Variants in CADPS observed in about 807,000 individuals in gnomAD.
CADPS encodes calcium-dependent secretion activator 1.
CADPS carries 57 observed loss-of-function variants against 167.3 expected under a neutral mutation model. The ratio of observed to expected loss-of-function variants is 0.34; its 90% CI spans 0.28 to 0.42. The LOEUF is 0.42. Ranked by LOEUF, CADPS falls within the 20% of genes least tolerant of loss-of-function variation. The pLI, the probability that CADPS is intolerant of heterozygous loss-of-function variation, is 1.00. For missense variants in CADPS, 1,414 were observed against 1,738.1 expected (o/e 0.81, Z 3.32); for synonymous variants, 676 against 635.3 (o/e 1.06, Z -0.96).
intron 3 of CADPS, among the ~76,000 whole-genome samples, chr3:62,746,405 G>A (rs1161684695): frequency 6.6e-6 from 1 of 152,068 alleles, no homozygotes; most frequent in African/African-American, 2.4e-5. Flanking sequence ...GTGTTTTCAT[G>A]GCTCACTTCA....
At chr3:62,684,168 C>T (rs1478632546) in intron 3 of CADPS, among the ~76,000 whole-genome samples, 1 of 152,022 alleles carries the variant, frequency 6.6e-6, no homozygotes, top group African/African-American at 2.4e-5. Flanking sequence ...ATTTCTGTCT[C>T]CTTCCTAATT....
chr3:62,464,000 AT>A (rs1166077653), intron 26 of CADPS, among the ~76,000 whole-genome samples: 1 of 152,204 alleles, frequency 6.6e-6, no homozygotes, highest in Non-Finnish European at 1.5e-5. Flanking sequence ...AGTAGGGCAT[AT>A]TTGGAAAGAA....
intron 11 of CADPS, among the ~76,000 whole-genome samples, chr3:62,537,512 A>G (rs1409444126): frequency 1.3e-5 from 2 of 152,200 alleles, no homozygotes; most frequent in Non-Finnish European, 2.9e-5. Flanking sequence ...GGCTCACTCC[A>G]CCTCATCTTT....
Position 62,438,296 on chromosome 3 carries a change from C to T in CADPS, c.3670-85G>A, listed in dbSNP as rs1473869508. 1.1e-6 allele frequency: 1 copy of T among 908,894 alleles called. No homozygotes were observed. Among genetic ancestry groups the T allele is most frequent in the African/African-American group, 1.6e-5 (1 of 61,442 alleles). 56.3% of individuals were successfully genotyped at this position (908,894 alleles called of 1,614,324 possible). On this transcript the variant is annotated intron_variant, in intron 27 of 29. Coordinates refer to ENST00000383710, the MANE Select transcript of CADPS (RefSeq NM_003716.4). The surrounding 1 kb of genome is among the most constrained non-coding windows in gnomAD (Gnocchi z 4.7). ...CCATTCACTTGTACCCTCTACTTGC[C>T]CTCACACACCCTGAGATGCTTCTGC...
intron 3 of CADPS, among the ~76,000 whole-genome samples, chr3:62,730,188 T>C (rs1420980538): frequency 6.7e-6 from 1 of 149,448 alleles, no homozygotes; most frequent in South Asian, 2.1e-4. Context: ...ATCTGGCCTA[T>C]CCTGACTGAC....
intron 1 of CADPS, among the ~76,000 whole-genome samples, chr3:62,852,193 T>C (rs1372744374): frequency 6.6e-6 from 1 of 150,702 alleles, no homozygotes; most frequent in Admixed American, 6.6e-5. Flanking sequence ...TTTTTCAAAG[T>C]TTTCAACTTC....
intron 1 of CADPS, among the ~76,000 whole-genome samples, chr3:62,865,886 G>A (rs1173086026): frequency 6.6e-6 from 1 of 151,978 alleles, no homozygotes; most frequent in Non-Finnish European, 1.5e-5. Context: ...TAGAGAAAAT[G>A]AGCACATTTA....
chr3:62,402,659 C>G (rs1706801923), intron 29 of CADPS, among the ~76,000 whole-genome samples: 1 of 152,158 alleles, frequency 6.6e-6, no homozygotes, highest in African/African-American at 2.4e-5. Context: ...ATAATGATCA[C>G]AGGACATATT....
At chr3:62,642,952 CAAAACA>C (rs1563247736) in intron 6 of CADPS, among the ~76,000 whole-genome samples, 5 of 151,434 alleles carry the variant, frequency 3.3e-5, no homozygotes, top group African/African-American at 7.3e-5. Context: ...CAAAACAAAA[CAAAACA>C]AAACCCAAAC....
chr3:62,437,876 G>T (rs978427685), intron 28 of CADPS, among the ~76,000 whole-genome samples: 7 of 152,148 alleles, frequency 4.6e-5, no homozygotes, highest in African/African-American at 1.7e-4. Flanking sequence ...GAGGCTGTGT[G>T]CCGTCCTACG....
chr3:62,410,086 C>A (rs764090093), intron 28 of CADPS, among the ~76,000 whole-genome samples: 1 of 152,068 alleles, frequency 6.6e-6, no homozygotes, highest in Non-Finnish European at 1.5e-5. Context: ...AGATATGTTA[C>A]CCCATGCCTG....
chr3:62,831,103 CT>C (rs2074996090), intron 1 of CADPS, among the ~76,000 whole-genome samples: 1 of 152,164 alleles, frequency 6.6e-6, no homozygotes, highest in African/African-American at 2.4e-5. Flanking sequence ...GCATGGACCT[CT>C]TTAAAGTCCT....
At chr3:62,597,386 T>C (rs2059081044) in intron 6 of CADPS, among the ~76,000 whole-genome samples, 1 of 152,142 alleles carries the variant, frequency 6.6e-6, no homozygotes, top group African/African-American at 2.4e-5. Context: ...AGATACCTCT[T>C]TGGGCATTCA....
Position 62,874,727 on chromosome 3 carries a change from C to T in CADPS, c.303G>A (p.Glu101=), listed in dbSNP as rs1159096365. ...SPSPSVVSEK[E]KEELERLQKE... ...TCTGCAGCCGCTCCAACTCTTCCTT[C>T]TCCTTCTCGCTCACCACCGACGGGC... is the stretch of plus-strand genomic sequence containing the variant. The change falls in exon 1 of 30, where the codon GAG becomes GAA. Residue 101 remains glutamate (E), a synonymous_variant. Coordinates refer to ENST00000383710, the MANE Select transcript of CADPS (RefSeq NM_003716.4). The surrounding 1 kb of genome is among the most constrained non-coding windows in gnomAD (Gnocchi z 7.1). 2.0e-6 allele frequency: 3 copies of T among 1,529,098 alleles called. No individual in the cohort carries two copies. The highest frequency in any genetic ancestry group is 1.4e-5 in the African/African-American group (1 of 72,416). 94.7% of individuals were successfully genotyped at this position (1,529,098 alleles called of 1,614,324 possible).
Position 62,662,373 on chromosome 3 carries a change from C to T in CADPS, c.910G>A (p.Ala304Thr). Residue 304 changes from alanine (A) to threonine (T), a missense_variant, in exon 4 of 30, where the codon GCA becomes ACA. This residue lies in a region of CADPS where 522 missense variants were observed against 559.5 expected (regional missense o/e 0.93). Transcript: ENST00000383710. Reference protein sequence around the residue: ...ACQLDNPDEQAAQIRRELDGR... With the variant: ...ACQLDNPDEQTAQIRRELDGR... ...TCCAGCTCTCGTCTGATCTGGGCTG[C>T]TTGCTCATCTGGATTGTCCAGCTGC... 1 of 1,613,962 alleles carries T rather than the reference C, an allele frequency of 6.2e-7. No individual in the cohort carries two copies. The highest frequency in any genetic ancestry group is 8.5e-7 in the Non-Finnish European group (1 of 1,179,894).
chr3:62,561,442 G>C (rs1198571614), intron 9 of CADPS, among the ~76,000 whole-genome samples: 32 of 149,034 alleles, frequency 2.1e-4, no homozygotes, highest in Non-Finnish European at 2.4e-4. Context: ...TTAATTTTTT[G>C]GTAGAGATGG....
intron 13 of CADPS, among the ~76,000 whole-genome samples, chr3:62,524,402 C>T (rs1341741896): frequency 6.6e-6 from 1 of 152,182 alleles, no homozygotes; most frequent in Non-Finnish European, 1.5e-5. Flanking sequence ...TCTAATTATG[C>T]CCTGATGCCC....
chr3:62,773,571 C>G (rs1297493992), intron 1 of CADPS, among the ~76,000 whole-genome samples: 1 of 152,126 alleles, frequency 6.6e-6, no homozygotes, highest in Non-Finnish European at 1.5e-5. Flanking sequence ...TTAAGTAATA[C>G]TCCCATGAGT....
At chr3:62,561,135 T>C (rs2079083000) in intron 9 of CADPS, among the ~76,000 whole-genome samples, 1 of 142,798 alleles carries the variant, frequency 7.0e-6, no homozygotes, top group Admixed American at 7.0e-5. Flanking sequence ...TATTAGATAG[T>C]GTGTGGGGGG....
Sources: gnomAD v4.1 joint callset for allele counts (sites outside exome capture counted in the v4.1 genomes callset) on GRCh38, gnomAD v4.1.1 for gene constraint, gnomAD v4.1.1 regional missense constraint, Gnocchi (gnomAD v3.1) non-coding constraint, MANE v1.5 for transcripts, NCBI Gene and HGNC (gene_info 2026-07-23, HGNC 2026-07-21) for gene names.